The following CRACDL variants were observed in gnomAD, a reference collection of about 807,000 sequenced individuals.
CRACDL encodes the protein CRACD-like protein.
Under a neutral mutation model 70.6 loss-of-function variants are expected in CRACDL, and 26 were observed. That is an observed-to-expected ratio of 0.37 (90% CI 0.27 to 0.51). CRACDL has a LOEUF of 0.51. Among genes scored for constraint, CRACDL ranks in the 20% least tolerant of loss-of-function variants. The pLI is 0.94. For missense variants in CRACDL, 1,283 were observed against 1,376.9 expected (o/e 0.93, Z 1.08); for synonymous variants, 618 against 615.2 (o/e 1.00, Z -0.07).
chr2:98,882,728 A>G (rs967247591), intron 1 of CRACDL, among the ~76,000 whole-genome samples: 3 of 151,988 alleles, frequency 2.0e-5, no homozygotes, highest in Non-Finnish European at 2.9e-5. Flanking sequence ...TGGCTGAGTG[A>G]TGTCAAACCA....
At chr2:98,914,050 A>G (rs1375254149) in intron 1 of CRACDL, among the ~76,000 whole-genome samples, 2 of 152,252 alleles carry the variant, frequency 1.3e-5, no homozygotes, top group East Asian at 3.9e-4. Context: ...CTAAGCAATC[A>G]CCTCTGCAAT....
intron 2 of CRACDL, among the ~76,000 whole-genome samples, chr2:98,842,989 A>T (rs72811084): frequency 0.037 from 5,585 of 152,038 alleles, 137 homozygotes; most frequent in Middle Eastern, 0.065. Flanking sequence ...CTTCACAAGG[A>T]GCTGCCAAAA....
intron 1 of CRACDL, among the ~76,000 whole-genome samples, chr2:98,914,378 GT>G (rs1012573221): frequency 3.9e-5 from 6 of 152,166 alleles, no homozygotes; most frequent in African/African-American, 1.4e-4. Flanking sequence ...TCCCCTCAAG[GT>G]TGGGGCCCAA....
intron 7 of CRACDL, 78 bp from the exon 8 acceptor site, chr2:98,797,615 G>C: frequency 3.7e-6 from 5 of 1,361,108 alleles, no homozygotes. Context: ...CCTGCACAGA[G>C]AACACTACTG....
chr2:98,833,409 G>T (rs1014857275), intron 3 of CRACDL, among the ~76,000 whole-genome samples: 2 of 152,240 alleles, frequency 1.3e-5, no homozygotes, highest in Non-Finnish European at 2.9e-5. Context: ...TGGGCTGAAG[G>T]CTGTGTGTGC....
intron 7 of CRACDL, among the ~76,000 whole-genome samples, chr2:98,804,258 G>A (rs548789119): frequency 6.6e-6 from 1 of 152,306 alleles, no homozygotes; most frequent in African/African-American, 2.4e-5. Flanking sequence ...AGACGGTGCT[G>A]TGTCCCAGTT....
chr2:98,799,978 C>T (rs920822633), intron 7 of CRACDL, among the ~76,000 whole-genome samples: 1 of 152,332 alleles, frequency 6.6e-6, no homozygotes, highest in South Asian at 2.1e-4. Flanking sequence ...TCCCAGCATT[C>T]TCTCTTCTAC....
chr2:98,843,660 A>G (rs757714065), intron 2 of CRACDL, among the ~76,000 whole-genome samples: 11 of 152,290 alleles, frequency 7.2e-5, no homozygotes, highest in Middle Eastern at 3.4e-3. Flanking sequence ...AATTTTGTCA[A>G]AATTAATTAA....
chr2:98,824,130 T>C (rs1256827407), intron 6 of CRACDL, among the ~76,000 whole-genome samples: 2 of 152,180 alleles, frequency 1.3e-5, no homozygotes, highest in Non-Finnish European at 2.9e-5. Flanking sequence ...TAGCTAACCA[T>C]GGCTTATAGG....
chr2:98,823,041 G>T lies in CRACDL; in HGVS notation c.1232C>A (p.Thr411Lys). ...GGCGGGGTCAGTCTCGGGGGGAGTC[G>T]TGTCCCCCTCAGGGATGGCGGTGGG... ...PFPTAIPEGD[T>K]TPPETDPAAT... Residue 411 changes from threonine to lysine, a missense_variant, in exon 7 of 10, where the codon ACG (threonine) becomes AAG (lysine). Coordinates refer to ENST00000397899, the MANE Select transcript of CRACDL (RefSeq NM_207362.3). The surrounding 1 kb of genome is among the most constrained non-coding windows in gnomAD (Gnocchi z 4.0). The T allele has an allele frequency of 6.4e-7, 1 of 1,552,692 alleles. No homozygotes were observed.
intron 7 of CRACDL, among the ~76,000 whole-genome samples, chr2:98,811,007 G>C (rs1704532952): frequency 1.3e-5 from 2 of 151,992 alleles, no homozygotes; most frequent in African/African-American, 4.8e-5. Flanking sequence ...TTACTGTGGA[G>C]TGAAAGTGCA....
intron 2 of CRACDL, among the ~76,000 whole-genome samples, chr2:98,840,497 A>G (rs530729715): frequency 4.1e-4 from 62 of 152,314 alleles, no homozygotes; most frequent in Middle Eastern, 6.8e-3. Flanking sequence ...TGTCAATTAG[A>G]ACAAAATCTT....
chr2:98,800,373 A>G (rs1214219932), intron 7 of CRACDL, among the ~76,000 whole-genome samples: 1 of 151,842 alleles, frequency 6.6e-6, no homozygotes, highest in African/African-American at 2.4e-5. Context: ...AACCGGCCCC[A>G]AGGAAGGGTC....
intron 7 of CRACDL, among the ~76,000 whole-genome samples, chr2:98,812,156 G>A (rs760690565): frequency 3.3e-5 from 5 of 152,116 alleles, no homozygotes; most frequent in Non-Finnish European, 7.4e-5. Flanking sequence ...TTTATTTTTA[G>A]TATACATGGG....
chr2:98,890,797 A>G (rs1573153174), intron 1 of CRACDL, among the ~76,000 whole-genome samples: 1 of 152,056 alleles, frequency 6.6e-6, no homozygotes, highest in Non-Finnish European at 1.5e-5. Context: ...TGGCTCACAC[A>G]TGTAATCCCA....
rs997415368 is a variant in CRACDL, at chr2:98,823,667, A to C, written c.736-130T>G. On this transcript the variant is annotated intron_variant, in intron 6 of 9. Coordinates refer to ENST00000397899, the MANE Select transcript of CRACDL (RefSeq NM_207362.3). The surrounding 1 kb of genome is among the most constrained non-coding windows in gnomAD (Gnocchi z 4.0). ...CTATAAAGCTGGCACTTAAGTAGGC[A>C]TGTACCCACGGGTGTCTTTTCTCAG... 2 of 1,147,890 alleles carry C rather than the reference A, an allele frequency of 1.7e-6. No homozygotes were observed. Among genetic ancestry groups the C allele is most frequent in the African/African-American group, 3.1e-5 (2 of 64,554 alleles). The allele number at this position is 1,147,890 out of a possible 1,614,324, so 71.1% of individuals were successfully genotyped here.
chr2:98,925,871 G>A (rs1193082809), intron 1 of CRACDL, among the ~76,000 whole-genome samples: 2 of 152,042 alleles, frequency 1.3e-5, no homozygotes, highest in African/African-American at 2.4e-5. Context: ...ACACACATGC[G>A]CGCGCACACA....
chr2:98,910,067 C>T (rs1032034590), intron 1 of CRACDL, among the ~76,000 whole-genome samples: 4 of 152,194 alleles, frequency 2.6e-5, no homozygotes, highest in African/African-American at 4.8e-5. Flanking sequence ...CTTCCCACCT[C>T]GGAAGGATGG....
chr2:98,864,202 T>C (rs1707043577), intron 1 of CRACDL, among the ~76,000 whole-genome samples: 1 of 152,160 alleles, frequency 6.6e-6, no homozygotes, highest in Admixed American at 6.5e-5. Context: ...ATGTTACATA[T>C]ATGTAATGAA....
Sources: gnomAD v4.1 joint callset for allele counts (sites outside exome capture counted in the v4.1 genomes callset) on GRCh38, gnomAD v4.1.1 for gene constraint, Gnocchi (gnomAD v3.1) non-coding constraint, MANE v1.5 for transcripts, NCBI Gene and HGNC (gene_info 2026-07-23, HGNC 2026-07-21) for gene names.